The following ELAVL3 variants were observed in gnomAD, a reference collection of about 807,000 sequenced individuals.
ELAVL3 encodes ELAV like RNA binding protein 3.
ELAVL3 carries 8 observed loss-of-function variants against 34.2 expected under a neutral mutation model. The ratio of observed to expected loss-of-function variants is 0.23; its 90% CI spans 0.14 to 0.42. The LOEUF is 0.42. Among genes scored for constraint, ELAVL3 ranks in the 10% least tolerant of loss-of-function variants. ELAVL3 has a pLI of 1.00. For synonymous variants in ELAVL3, 209 were observed against 222.1 expected (o/e 0.94, Z 0.53); for missense variants, 273 against 518.8 (o/e 0.53, Z 4.60).
chr19:11,454,432 T>G lies in ELAVL3; in HGVS notation c.*94A>C. ...GCGTCGTCCGTGGGGCTGCCTGTGC[T>G]GTCTCTCTTGGGCCCCTTCTCTCTC... On this transcript the variant is annotated 3_prime_UTR_variant, in exon 7 of 7. Coordinates refer to ENST00000359227, the MANE Select transcript of ELAVL3 (RefSeq NM_001420.4). The surrounding 1 kb of genome is among the most constrained non-coding windows in gnomAD (Gnocchi z 9.2). 1.6e-6 allele frequency: 2 copies of G among 1,236,318 alleles called. No individual in the cohort carries two copies. The highest frequency in any genetic ancestry group is 2.2e-6 in the Non-Finnish European group (2 of 912,552). The allele number at this position is 1,236,318 out of a possible 1,614,324, so 76.6% of individuals were successfully genotyped here. A position where few individuals can be genotyped will look rare whatever the true frequency, so the allele number is the denominator to read the frequency against.
rs1970726713 is a variant in ELAVL3, at chr19:11,454,565, C to T, written c.1065G>A (p.Leu355=). The T allele has an allele frequency of 1.2e-6, 2 of 1,613,540 alleles. No homozygotes were observed. The highest frequency in any genetic ancestry group is 1.3e-5 in the African/African-American group (1 of 74,942). Residue 355 remains leucine (L), a synonymous_variant, in exon 7 of 7, where the codon CTG becomes CTA. Transcript: ENST00000359227. The surrounding 1 kb of genome is among the most constrained non-coding windows in gnomAD (Gnocchi z 9.2). ...GTTTGCTGGTCTTGAAGGAGACCTG[C>T]AGCACGCGCTCGCCCAGGCGATAGC... ...LNGYRLGERV[L]QVSFKTSKQH...
At chr19:11,455,870 C>T (rs1244292573) in intron 6 of ELAVL3, among the ~76,000 whole-genome samples, 1 of 152,226 alleles carries the variant, frequency 6.6e-6, no homozygotes, top group Non-Finnish European at 1.5e-5. Context: ...ATTGGCTCCA[C>T]TCACATTCCT....
At chr19:11,469,038 G>A (rs1971111788) in intron 1 of ELAVL3, among the ~76,000 whole-genome samples, 1 of 152,076 alleles carries the variant, frequency 6.6e-6, no homozygotes, top group Non-Finnish European at 1.5e-5. Flanking sequence ...TCCCACGTCA[G>A]CCTCCCCAGT....
chr19:11,463,799 G>A (rs932154969), intron 3 of ELAVL3, among the ~76,000 whole-genome samples: 2 of 151,870 alleles, frequency 1.3e-5, no homozygotes, highest in African/African-American at 4.8e-5. Flanking sequence ...GAGAAACCCT[G>A]TCTTTACTAA....
intron 1 of ELAVL3, among the ~76,000 whole-genome samples, chr19:11,469,892 T>C (rs1214051856): frequency 1.3e-5 from 2 of 152,014 alleles, no homozygotes; most frequent in African/African-American, 4.8e-5. Flanking sequence ...ACCCTGTCTC[T>C]ACTAAAAATT....
intron 1 of ELAVL3, among the ~76,000 whole-genome samples, chr19:11,473,087 A>T (rs1320602855): frequency 1.3e-5 from 2 of 149,418 alleles, no homozygotes; most frequent in Non-Finnish European, 3.0e-5. Context: ...GAAAAGAGGC[A>T]GGGCGCGGTG....
At position 11,458,177 on chromosome 19, in the gene ELAVL3, T is replaced by A. The variant is rs1167816081; in HGVS notation, c.597A>T (p.Thr199=). 5 of 1,614,086 alleles carry A rather than the reference T, an allele frequency of 3.1e-6. No individual in the cohort carries two copies. The highest frequency in any genetic ancestry group is 8.5e-7 in the Non-Finnish European group (1 of 1,180,038). Residue 199 remains threonine, a synonymous_variant, in exon 5 of 7, where the codon ACA becomes ACT. Coordinates refer to ENST00000359227, the MANE Select transcript of ELAVL3 (RefSeq NM_001420.4). The surrounding 1 kb of genome is among the most constrained non-coding windows in gnomAD (Gnocchi z 7.3). The part of the protein sequence containing the change: ...QKPLGAAEPI[T]VKFANNPSQK... ...GACTTGGGTTGTTCGCGAACTTGAC[T>A]GTGATGGGCTCAGCTGCGCCCAGCG...
In ELAVL3 at chr19:11,480,501, C is replaced by T; in HGVS notation, c.9+99G>A. ...CCCCCCAACCCGGGCCTAGCTAGGC[C>T]TGGTCCTACCCCCCCCGCCGCACCC... is the stretch of plus-strand genomic sequence containing the variant. On this transcript the variant is annotated intron_variant, in intron 1 of 6. Transcript: ENST00000359227. The surrounding 1 kb of genome is among the most constrained non-coding windows in gnomAD (Gnocchi z 6.8). 2 of 1,335,474 alleles carry T rather than the reference C, an allele frequency of 1.5e-6. No homozygotes were observed. Among genetic ancestry groups the T allele is most frequent in the Non-Finnish European group, 2.0e-6 (2 of 1,021,252 alleles). 82.7% of individuals were successfully genotyped at this position (1,335,474 alleles called of 1,614,324 possible). A position where few individuals can be genotyped will look rare whatever the true frequency, so the allele number is the denominator to read the frequency against.
intron 3 of ELAVL3, among the ~76,000 whole-genome samples, chr19:11,459,619 C>G (rs1309773139): frequency 8.8e-6 from 1 of 113,660 alleles, no homozygotes; most frequent in Non-Finnish European, 1.7e-5. Context: ...CACTGTGTTA[C>G]CTAGGCTGGT....
In ELAVL3 at chr19:11,466,639, C is replaced by G. The variant is rs369735637; in HGVS notation, c.198G>C (p.Glu66Asp). 3.1e-6 allele frequency: 5 copies of G among 1,614,094 alleles called. No homozygotes were observed. Residue 66 changes from glutamate to aspartate, a missense_variant, in exon 2 of 7, where the codon GAG becomes GAC. By Grantham distance (45) the Glu-to-Asp change is conservative. This residue lies in a region of ELAVL3 where 102 missense variants were observed against 250.1 expected (regional missense o/e 0.41). Coordinates refer to ENST00000359227, the MANE Select transcript of ELAVL3 (RefSeq NM_001420.4). This position sits in a 1 kb window ranked among gnomAD's most constrained non-coding sequence, Gnocchi z 5.0. ...TCTTGTCCCGAACCAACTTGCAGGA[C>G]TCGATGTCGCCAATGCTGCCGAAGA... Reference protein sequence around the residue: ...KSLFGSIGDIESCKLVRDKIT... With the variant: ...KSLFGSIGDIDSCKLVRDKIT...
chr19:11,455,746 C>G (rs1970755520), intron 6 of ELAVL3, among the ~76,000 whole-genome samples: 1 of 152,124 alleles, frequency 6.6e-6, no homozygotes, highest in African/African-American at 2.4e-5. Context: ...CTTTTCAAAT[C>G]ATATATTTAT....
chr19:11,457,712 AG>A (rs778332072), intron 5 of ELAVL3, among the ~76,000 whole-genome samples: 1 of 152,196 alleles, frequency 6.6e-6, no homozygotes, highest in Non-Finnish European at 1.5e-5. Context: ...CAGAAAAATA[AG>A]GGTGTCTAGC....
rs1970699088 is a variant in ELAVL3 at position 11,453,483 on chromosome 19, G to GT, written c.*1042dup. On this transcript the variant is annotated 3_prime_UTR_variant, in exon 7 of 7. Coordinates refer to ENST00000359227, the MANE Select transcript of ELAVL3 (RefSeq NM_001420.4). ...GGTGTTTGTGTTTCTCCGTGACCTG[G>GT]TGTCCAAATTTGATGTCCAAATATC... The GT allele has an allele frequency of 6.5e-6, 1 of 152,758 alleles. No individual in the cohort carries two copies. Among genetic ancestry groups the GT allele is most frequent in the Admixed American group, 6.5e-5 (1 of 15,286 alleles). The allele number at this position is 152,758 out of a possible 1,614,324, so 9.5% of individuals were successfully genotyped here. A position where few individuals can be genotyped will look rare whatever the true frequency, so the allele number is the denominator to read the frequency against.
At chr19:11,472,078 G>A (rs1351430701) in intron 1 of ELAVL3, among the ~76,000 whole-genome samples, 2 of 152,134 alleles carry the variant, frequency 1.3e-5, no homozygotes, top group Non-Finnish European at 2.9e-5. Flanking sequence ...GGCATGGTGG[G>A]TCACGGCTGT....
intron 1 of ELAVL3, among the ~76,000 whole-genome samples, chr19:11,471,380 C>G (rs568492318): frequency 6.6e-6 from 1 of 151,264 alleles, no homozygotes; most frequent in Non-Finnish European, 1.5e-5. Context: ...TTTGGGAGGC[C>G]GAGGCGGGTG....
Position 11,480,407 on chromosome 19 carries a change from A to T in ELAVL3, c.9+193T>A. 1 of 573,896 alleles carries T rather than the reference A, an allele frequency of 1.7e-6. No homozygotes were observed. The highest frequency in any genetic ancestry group is 2.7e-6 in the Non-Finnish European group (1 of 368,022). The allele number at this position is 573,896 out of a possible 1,614,324, so 35.6% of individuals were successfully genotyped here. A position where few individuals can be genotyped will look rare whatever the true frequency, so the allele number is the denominator to read the frequency against. ...AGTCTCCCTAAGGCCCTCTCAGACC[A>T]AGCTCTAAGCGCCCTCAGCACTCTG... is the stretch of plus-strand genomic sequence containing the variant. On this transcript the variant is annotated intron_variant, in intron 1 of 6. Coordinates refer to ENST00000359227, the MANE Select transcript of ELAVL3 (RefSeq NM_001420.4). The surrounding 1 kb of genome is among the most constrained non-coding windows in gnomAD (Gnocchi z 6.8).
intron 3 of ELAVL3, among the ~76,000 whole-genome samples, chr19:11,459,170 T>G (rs1007820521): frequency 6.7e-6 from 1 of 149,974 alleles, no homozygotes; most frequent in Non-Finnish European, 1.5e-5. Context: ...GTCGCCAGGC[T>G]GGAGTGCAAT....
chr19:11,459,368 T>G (rs1485333199), intron 3 of ELAVL3, among the ~76,000 whole-genome samples: 1 of 151,922 alleles, frequency 6.6e-6, no homozygotes, highest in Non-Finnish European at 1.5e-5. Context: ...CTCTTGACCT[T>G]GTGATCCGCT....
chr19:11,471,701 G>A (rs1433026773), intron 1 of ELAVL3, among the ~76,000 whole-genome samples: 1 of 151,850 alleles, frequency 6.6e-6, no homozygotes, highest in Non-Finnish European at 1.5e-5. Flanking sequence ...CAATCCTCAT[G>A]CCTCAGCCTC....
Sources: allele counts gnomAD v4.1 joint callset (sites outside exome capture counted in the v4.1 genomes callset), GRCh38; gene constraint gnomAD v4.1.1; regional missense constraint gnomAD v4.1.1; non-coding constraint Gnocchi (gnomAD v3.1); transcripts MANE v1.5; gene names NCBI Gene and HGNC (gene_info 2026-07-23, HGNC 2026-07-21).